The following SHROOM3 variants were observed in gnomAD, a reference collection of about 807,000 sequenced individuals.
SHROOM3 encodes the protein shroom family member 3.
In SHROOM3, 47 loss-of-function variants were observed where a neutral mutation model predicts 138.6. The ratio of observed to expected loss-of-function variants is 0.34; its 90% CI spans 0.27 to 0.43. The LOEUF (loss-of-function observed/expected upper bound fraction) is 0.43. Ranked by LOEUF, SHROOM3 falls within the 20% of genes least tolerant of loss-of-function variation. The pLI, the probability that SHROOM3 is intolerant of heterozygous loss-of-function variation, is 1.00. For missense variants in SHROOM3, 2,491 were observed against 2,596.5 expected (o/e 0.96, Z 0.88); for synonymous variants, 1,062 against 1,063.3 (o/e 1.00, Z 0.02).
At chr4:76,456,804 G>A (rs1054063778) in intron 1 of SHROOM3, among the ~76,000 whole-genome samples, 1 of 152,236 alleles carries the variant, frequency 6.6e-6, no homozygotes, top group Admixed American at 6.5e-5. Flanking sequence ...AGTCCGAAAA[G>A]AGAGTCAGCA....
At chr4:76,502,018 C>T (rs368004309) in intron 1 of SHROOM3, among the ~76,000 whole-genome samples, 11 of 152,218 alleles carry the variant, frequency 7.2e-5, no homozygotes, top group African/African-American at 2.6e-4. Context: ...TAAGAGGTCT[C>T]GAGGGCTCTA....
rs978339014 is a variant in SHROOM3 at position 76,553,306 on chromosome 4, C to T, written c.169-2303C>T. ...ATTTATTTTTTTTGAGACGGGGTCT[C>T]GCTCTATCACCCAGGCTGAAGTGCA... On this transcript the variant is annotated intron_variant, in intron 1 of 10. Transcript: ENST00000296043. Among the ~76,000 whole-genome samples, 13 of 151,956 alleles carry T rather than the reference C, an allele frequency of 8.6e-5. 1 individual carries two copies. Among genetic ancestry groups the T allele is most frequent in the African/African-American group, 2.9e-4 (12 of 41,358 alleles).
intron 2 of SHROOM3, among the ~76,000 whole-genome samples, chr4:76,626,641 C>A (rs947612585): frequency 6.6e-6 from 1 of 152,176 alleles, no homozygotes; most frequent in Non-Finnish European, 1.5e-5. Flanking sequence ...TTATTTGCAT[C>A]ATCTCTGATC....
chr4:76,533,041 G>A (rs544511898), intron 1 of SHROOM3, among the ~76,000 whole-genome samples: 23 of 152,274 alleles, frequency 1.5e-4, no homozygotes, highest in Admixed American at 9.2e-4. Flanking sequence ...CAGTGGAGTT[G>A]CACAGTGCAA....
At position 76,739,463 on chromosome 4, in the gene SHROOM3, G is replaced by A. The variant is rs1345339583; in HGVS notation, c.1290G>A (p.Glu430=). 32 of 1,614,072 alleles carry A rather than the reference G, an allele frequency of 2.0e-5. No individual in the cohort carries two copies. The highest frequency in any genetic ancestry group is 2.4e-5 in the Non-Finnish European group (28 of 1,180,046). The change falls in exon 5 of 11, where the codon GAG becomes GAA. Residue 430 remains glutamate, a synonymous_variant. Coordinates refer to ENST00000296043, the MANE Select transcript of SHROOM3 (RefSeq NM_020859.4). ...LGSLKSPFIE[E]QLHTVLEKSP... ...CCCTGAAGTCTCCATTCATAGAGGA[G>A]CAGCTGCATACTGTGCTGGAGAAGA...
At chr4:76,676,383 C>T (rs1719026868) in intron 2 of SHROOM3, among the ~76,000 whole-genome samples, 1 of 152,000 alleles carries the variant, frequency 6.6e-6, no homozygotes, top group South Asian at 2.1e-4. Context: ...AGGCAGAATC[C>T]CTGCTCCTAA....
intron 2 of SHROOM3, among the ~76,000 whole-genome samples, chr4:76,615,158 G>A (rs145195851): frequency 2.0e-5 from 3 of 152,300 alleles, no homozygotes; most frequent in South Asian, 2.1e-4. Context: ...TTGAAGACAC[G>A]CCTAAACTCT....
At chr4:76,731,079 C>T (rs1720866496) in intron 4 of SHROOM3, 144 bp downstream of exon 4, 3 of 1,121,202 alleles carry the variant, frequency 2.7e-6, no homozygotes, top group African/African-American at 1.5e-5. Context: ...TTTTCTCATC[C>T]TCTTATAGTG....
At chr4:76,684,315 G>T (rs910603568) in intron 2 of SHROOM3, among the ~76,000 whole-genome samples, 3 of 152,166 alleles carry the variant, frequency 2.0e-5, no homozygotes, top group Non-Finnish European at 4.4e-5. Context: ...AGGGTCCTTT[G>T]TGTTCCGTGT....
intron 4 of SHROOM3, among the ~76,000 whole-genome samples, chr4:76,736,771 T>G (rs1344879477): frequency 6.6e-6 from 1 of 150,770 alleles, no homozygotes; most frequent in East Asian, 1.9e-4. Context: ...GACAGACATT[T>G]TTTAGAGCAG....
At chr4:76,608,663 TAGCACAGCATAGCACAGCACAGCAC>T (rs1422723895) in intron 2 of SHROOM3, among the ~76,000 whole-genome samples, 4 of 31,386 alleles carry the variant, frequency 1.3e-4, no homozygotes, top group Non-Finnish European at 3.5e-4. Context: ...TAGCATAGCA[TAGCACAGCATAGCACAGCACAGCAC>T]AGCACAGCAC....
intron 2 of SHROOM3, among the ~76,000 whole-genome samples, chr4:76,641,447 T>C (rs1735665831): frequency 6.6e-6 from 1 of 152,100 alleles, no homozygotes; most frequent in African/African-American, 2.4e-5. Flanking sequence ...AACACAGGCC[T>C]GTATGCCCAT....
intron 2 of SHROOM3, among the ~76,000 whole-genome samples, chr4:76,675,153 T>C (rs1460235922): frequency 6.6e-6 from 1 of 152,138 alleles, no homozygotes; most frequent in Non-Finnish European, 1.5e-5. Flanking sequence ...AATATGAACA[T>C]AGACCAGAGA....
At chr4:76,714,442 C>T (rs1477452500) in intron 3 of SHROOM3, among the ~76,000 whole-genome samples, 1 of 152,122 alleles carries the variant, frequency 6.6e-6, no homozygotes, top group African/African-American at 2.4e-5. Flanking sequence ...TTTGACAATA[C>T]CACAGAAGTG....
intron 1 of SHROOM3, among the ~76,000 whole-genome samples, chr4:76,514,135 T>C (rs1181422531): frequency 6.6e-6 from 1 of 152,164 alleles, no homozygotes; most frequent in Non-Finnish European, 1.5e-5. Context: ...AAACATGGAC[T>C]TACCATATGG....
At chr4:76,536,030 G>A (rs948889978) in intron 1 of SHROOM3, among the ~76,000 whole-genome samples, 31 of 152,230 alleles carry the variant, frequency 2.0e-4, no homozygotes, top group African/African-American at 7.0e-4. Context: ...AGGCATCTGA[G>A]CGAGACCCAG....
At chr4:76,514,523 G>A (rs762275088) in intron 1 of SHROOM3, among the ~76,000 whole-genome samples, 55 of 152,120 alleles carry the variant, frequency 3.6e-4, no homozygotes, top group Admixed American at 6.5e-4. Flanking sequence ...ACTGCGAGTG[G>A]ATATGAGGTC....
At chr4:76,670,785 T>C (rs543381718) in intron 2 of SHROOM3, among the ~76,000 whole-genome samples, 8 of 152,102 alleles carry the variant, frequency 5.3e-5, no homozygotes, top group Admixed American at 1.3e-4. Context: ...AAACCCTCTC[T>C]CTACTAAACA....
chr4:76,701,794 C>A (rs565389421), intron 2 of SHROOM3, among the ~76,000 whole-genome samples: 1 of 152,256 alleles, frequency 6.6e-6, no homozygotes, highest in Middle Eastern at 3.4e-3. Context: ...CAAAGTAATC[C>A]CCTTCACCAA....
Sources: gnomAD v4.1 joint callset for allele counts (sites outside exome capture counted in the v4.1 genomes callset) on GRCh38, gnomAD v4.1.1 for gene constraint, MANE v1.5 for transcripts, NCBI Gene and HGNC (gene_info 2026-07-23, HGNC 2026-07-21) for gene names.